Variants in RABGAP1L observed in about 807,000 individuals in gnomAD.
The protein encoded by RABGAP1L is RAB GTPase activating protein 1 like, also known as rab GTPase-activating protein 1-like.
A neutral mutation model predicts 137.7 loss-of-function variants in RABGAP1L; 63 were observed. That is an observed-to-expected ratio of 0.46 (90% CI 0.37 to 0.56). RABGAP1L has a LOEUF of 0.56. Ranked by LOEUF, RABGAP1L falls within the 20% of genes least tolerant of loss-of-function variation. The pLI is 0.00. For synonymous variants in RABGAP1L, 431 were observed against 433.7 expected, an observed-to-expected ratio of 0.99 and a Z score of 0.08; for missense variants, 1,095 against 1,244.0, an observed-to-expected ratio of 0.88 and a Z score of 1.80.
chr1:174,564,761 T>A (rs1401621613), intron 13 of RABGAP1L, among the ~76,000 whole-genome samples: 2 of 152,176 alleles, frequency 1.3e-5, no homozygotes, highest in Middle Eastern at 3.2e-3. Context: ...GAAATATATG[T>A]AAAATTAGAG....
chr1:174,571,952 T>G (rs1049614072), intron 13 of RABGAP1L, among the ~76,000 whole-genome samples: 1 of 152,206 alleles, frequency 6.6e-6, no homozygotes, highest in African/African-American at 2.4e-5. Flanking sequence ...AAATCTTTCT[T>G]TAGGAACGCC....
At chr1:174,918,481 C>T (rs1029234126) in intron 19 of RABGAP1L, among the ~76,000 whole-genome samples, 2 of 152,114 alleles carry the variant, frequency 1.3e-5, no homozygotes, top group East Asian at 1.9e-4. Context: ...ACAGAATCTG[C>T]GGAGCAAGAA....
chr1:174,571,161 C>A (rs1667951578), intron 13 of RABGAP1L, among the ~76,000 whole-genome samples: 1 of 151,950 alleles, frequency 6.6e-6, no homozygotes, highest in Non-Finnish European at 1.5e-5. Flanking sequence ...GTGAAACAAG[C>A]CAGACACAGA....
chr1:174,457,621 G>T (rs1656191120), intron 13 of RABGAP1L, among the ~76,000 whole-genome samples: 1 of 151,598 alleles, frequency 6.6e-6, no homozygotes, highest in Non-Finnish European at 1.5e-5. Context: ...TCCTGCCTCA[G>T]CCTCCCAAGT....
intron 1 of RABGAP1L, among the ~76,000 whole-genome samples, chr1:174,179,245 C>G (rs1036751022): frequency 2.6e-5 from 4 of 152,036 alleles, no homozygotes; most frequent in Non-Finnish European, 5.9e-5. Context: ...TTCGAATTGA[C>G]TGTGTTAGCT....
At position 174,817,937 on chromosome 1, in the gene RABGAP1L, A is replaced by G. The variant is rs1690605154; in HGVS notation, c.2340+5977A>G. Among the ~76,000 whole-genome samples the G allele has an allele frequency of 2.6e-5, 4 of 152,232 alleles. 1 individual carries two copies. Among genetic ancestry groups the G allele is most frequent in the Admixed American group, 2.0e-4 (3 of 15,278 alleles). On this transcript the variant is annotated intron_variant, in intron 19 of 25. Coordinates refer to ENST00000681986, the MANE Select transcript of RABGAP1L (RefSeq NM_001366446.1). ...CGATAGCACTTAGGATTCTTACTTAAGCAACTTGGTGGAAATCACACTGAG... is the reference window on the plus strand; with the variant it reads ...CGATAGCACTTAGGATTCTTACTTAGGCAACTTGGTGGAAATCACACTGAG...
chr1:174,395,420 G>T (rs1376440656), intron 13 of RABGAP1L, among the ~76,000 whole-genome samples: 4 of 151,758 alleles, frequency 2.6e-5, no homozygotes, highest in African/African-American at 7.3e-5. Flanking sequence ...CTTCAGGGAA[G>T]AATTAATATT....
chr1:174,377,677 T>C (rs1183382673), intron 12 of RABGAP1L, among the ~76,000 whole-genome samples: 3 of 151,364 alleles, frequency 2.0e-5, no homozygotes, highest in Non-Finnish European at 2.9e-5. Context: ...CCCACTACGA[T>C]GTCAATCATT....
At chr1:174,558,869 C>T (rs1557847782) in intron 13 of RABGAP1L, among the ~76,000 whole-genome samples, 1 of 152,120 alleles carries the variant, frequency 6.6e-6, no homozygotes, top group Non-Finnish European at 1.5e-5. Flanking sequence ...ATGAATCTTG[C>T]ATTCTAGACA....
intron 12 of RABGAP1L, among the ~76,000 whole-genome samples, chr1:174,383,136 A>T (rs1237178903): frequency 6.6e-6 from 1 of 150,948 alleles, no homozygotes; most frequent in African/African-American, 2.4e-5. Context: ...TTGAGGAGGC[A>T]GTCTGCCCGT....
chr1:174,582,900 G>T (rs1373130050), intron 13 of RABGAP1L, among the ~76,000 whole-genome samples: 1 of 152,030 alleles, frequency 6.6e-6, no homozygotes, highest in Non-Finnish European at 1.5e-5. Context: ...AATAATTCAG[G>T]TTGGTTTTTC....
chr1:174,347,004 C>T (rs562570743), intron 11 of RABGAP1L, among the ~76,000 whole-genome samples: 9 of 152,186 alleles, frequency 5.9e-5, no homozygotes, highest in African/African-American at 2.2e-4. Flanking sequence ...AGGAAGTTGT[C>T]TAATTTCCAT....
At chr1:174,577,718 A>AC (rs1164118184) in intron 13 of RABGAP1L, among the ~76,000 whole-genome samples, 9 of 152,214 alleles carry the variant, frequency 5.9e-5, no homozygotes, top group Non-Finnish European at 1.3e-4. Flanking sequence ...GTTTCATAAG[A>AC]CTCTGAAAGA....
At chr1:174,248,532 G>T (rs1342537954) in intron 5 of RABGAP1L, among the ~76,000 whole-genome samples, 1 of 152,122 alleles carries the variant, frequency 6.6e-6, no homozygotes, top group East Asian at 1.9e-4. Flanking sequence ...ACTTTAGACT[G>T]GCAGGTAGGA....
intron 19 of RABGAP1L, among the ~76,000 whole-genome samples, chr1:174,894,174 A>C (rs1656746837): frequency 6.6e-6 from 1 of 152,248 alleles, no homozygotes; most frequent in Non-Finnish European, 1.5e-5. Flanking sequence ...TAATTCCTCT[A>C]AATAGTTAAC....
chr1:174,637,810 C>G (rs2148343675), intron 14 of RABGAP1L, among the ~76,000 whole-genome samples: 1 of 152,326 alleles, frequency 6.6e-6, no homozygotes, highest in South Asian at 2.1e-4. Context: ...CTGACAAGAT[C>G]ATGCAGCAAT....
At chr1:174,909,566 A>G (rs564964355) in intron 19 of RABGAP1L, among the ~76,000 whole-genome samples, 90 of 152,364 alleles carry the variant, frequency 5.9e-4, no homozygotes, top group African/African-American at 2.0e-3. Flanking sequence ...AATAAAATAA[A>G]TTAAAACTAT....
At chr1:174,523,689 A>C (rs772585402) in intron 13 of RABGAP1L, among the ~76,000 whole-genome samples, 119 of 152,150 alleles carry the variant, frequency 7.8e-4, no homozygotes, top group Non-Finnish European at 1.5e-3. Context: ...ACTGTTGTTA[A>C]CTATAGTCAG....
chr1:174,476,079 A>G (rs1204957941), intron 13 of RABGAP1L, among the ~76,000 whole-genome samples: 1 of 152,114 alleles, frequency 6.6e-6, no homozygotes, highest in African/African-American at 2.4e-5. Context: ...TGGAAAGGTG[A>G]GAGTTAATTC....
Sources: gnomAD v4.1 joint callset for allele counts (sites outside exome capture counted in the v4.1 genomes callset) on GRCh38, gnomAD v4.1.1 for gene constraint, MANE v1.5 for transcripts, NCBI Gene and HGNC (gene_info 2026-07-23, HGNC 2026-07-21) for gene names.